SNTG1: variants seen among roughly 807,000 people sequenced by gnomAD.
SNTG1 encodes syntrophin gamma 1.
SNTG1 carries 39 observed loss-of-function variants against 74.7 expected under a neutral mutation model. The ratio of observed to expected loss-of-function variants is 0.52; its 90% CI spans 0.40 to 0.68. The LOEUF is 0.68. SNTG1 is among the 30% of genes least tolerant of loss of function. SNTG1 has a pLI of 0.00. For synonymous variants in SNTG1, 254 were observed against 217.1 expected, an observed-to-expected ratio of 1.17 and a Z score of -1.49; for missense variants, 685 against 609.5, an observed-to-expected ratio of 1.12 and a Z score of -1.30.
intron 17 of SNTG1, among the ~76,000 whole-genome samples, chr8:50,743,650 A>G (rs1585690443): frequency 7.2e-6 from 1 of 138,258 alleles, no homozygotes; most frequent in African/African-American, 2.6e-5. Context: ...ATTAGGCAAG[A>G]AAAAAAAAAA....
chr8:50,260,436 C>A (rs996912440), intron 2 of SNTG1, among the ~76,000 whole-genome samples: 5 of 152,088 alleles, frequency 3.3e-5, no homozygotes, highest in Admixed American at 3.3e-4. Context: ...CTTCTCCACA[C>A]ACAACTTACA....
intron 9 of SNTG1, among the ~76,000 whole-genome samples, chr8:50,512,190 G>A (rs1238778518): frequency 6.6e-6 from 1 of 151,912 alleles, no homozygotes; most frequent in South Asian, 2.1e-4. Flanking sequence ...AGTTTGGCTG[G>A]ATATGAAATT....
intron 2 of SNTG1, among the ~76,000 whole-genome samples, chr8:50,311,696 A>G (rs1258809841): frequency 6.6e-6 from 1 of 152,212 alleles, no homozygotes; most frequent in Non-Finnish European, 1.5e-5. Flanking sequence ...TATATTTCTT[A>G]TGAACTCAAC....
intron 12 of SNTG1, among the ~76,000 whole-genome samples, chr8:50,573,389 C>T (rs1184372299): frequency 1.3e-5 from 2 of 151,832 alleles, no homozygotes; most frequent in Non-Finnish European, 2.9e-5. Context: ...TTATTAAAAT[C>T]AGTTGTAAAA....
intron 1 of SNTG1, among the ~76,000 whole-genome samples, chr8:49,977,885 C>T (rs751548869): frequency 5.9e-5 from 9 of 152,158 alleles, no homozygotes; most frequent in Admixed American, 1.3e-4. Flanking sequence ...ACTGCTTGGG[C>T]GTTAGACGGT....
At chr8:50,408,400 A>G (rs955194306) in intron 4 of SNTG1, among the ~76,000 whole-genome samples, 3 of 152,232 alleles carry the variant, frequency 2.0e-5, no homozygotes, top group African/African-American at 7.2e-5. Context: ...CTAGGGAGTC[A>G]GTTATGCCAG....
intron 17 of SNTG1, among the ~76,000 whole-genome samples, chr8:50,716,050 A>G (rs2095474142): frequency 6.6e-6 from 1 of 152,118 alleles, no homozygotes; most frequent in African/African-American, 2.4e-5. Context: ...GCTCTGAGCT[A>G]CTGTTTCTCC....
chr8:49,969,147 ATCT>A lies in SNTG1; in HGVS notation c.-103+56920_-103+56922del, dbSNP rs1352929244. 3.9e-5 allele frequency among the ~76,000 whole-genome samples: 6 copies of A among 152,150 alleles called. No homozygotes were observed. The East Asian group carries it at 1.2e-3, about 29-fold the overall frequency. The stretch of plus-strand genomic sequence containing the variant: ...TTGTATGTGTGCTGCTTAACTCAAA[ATCT>A]TCTGCATTGATTATTTTTCTTTTTA... On this transcript the variant is annotated intron_variant, in intron 1 of 18. Coordinates refer to ENST00000642720, the MANE Select transcript of SNTG1 (RefSeq NM_018967.5).
At chr8:50,129,580 G>A (rs2081254621) in intron 1 of SNTG1, among the ~76,000 whole-genome samples, 1 of 151,958 alleles carries the variant, frequency 6.6e-6, no homozygotes, top group Non-Finnish European at 1.5e-5. Flanking sequence ...AGGATCTGTG[G>A]GTTTGGATTC....
chr8:49,959,432 C>T (rs981943881), intron 1 of SNTG1, among the ~76,000 whole-genome samples: 4 of 152,202 alleles, frequency 2.6e-5, no homozygotes, highest in African/African-American at 7.2e-5. Context: ...GTTGTTAGCA[C>T]GCTAGCAGTC....
chr8:50,790,208 C>G (rs1302770950), intron 18 of SNTG1, among the ~76,000 whole-genome samples: 1 of 151,962 alleles, frequency 6.6e-6, no homozygotes, highest in African/African-American at 2.4e-5. Flanking sequence ...ATTTTGCCTC[C>G]TGTCACTGGA....
chr8:50,273,827 A>G (rs2087923965), intron 2 of SNTG1, among the ~76,000 whole-genome samples: 1 of 152,184 alleles, frequency 6.6e-6, no homozygotes, highest in African/African-American at 2.4e-5. Flanking sequence ...AAGAGGGAGA[A>G]GAGTGATGAG....
chr8:50,661,984 A>T (rs1585997920), intron 15 of SNTG1, among the ~76,000 whole-genome samples: 1 of 152,074 alleles, frequency 6.6e-6, no homozygotes. Flanking sequence ...TGGCTTCTAG[A>T]TTCGATGCTA....
intron 8 of SNTG1, among the ~76,000 whole-genome samples, chr8:50,462,096 G>C (rs2093568562): frequency 6.6e-6 from 1 of 151,940 alleles, no homozygotes; most frequent in African/African-American, 2.4e-5. Context: ...CATCACTAAA[G>C]AACTTACCCA....
chr8:50,306,644 A>G (rs1375282970), intron 2 of SNTG1, among the ~76,000 whole-genome samples: 1 of 151,758 alleles, frequency 6.6e-6, no homozygotes, highest in East Asian at 1.9e-4. Context: ...TTCCCTGATG[A>G]TTAGTGATGT....
rs114036479 is a variant in SNTG1 at position 50,721,893 on chromosome 8, G to T, written c.1284+12915G>T. Among the ~76,000 whole-genome samples the T allele has an allele frequency of 2.3e-3, 353 of 152,164 alleles. 2 individuals carry two copies. The highest frequency in any genetic ancestry group is 8.1e-3 in the African/African-American group (337 of 41,526). ...AAGATGTTGCTTCACTGAAAGAACA[G>T]CAGACTCTCAGAATGCATCACACAC... On this transcript the variant is annotated intron_variant, in intron 17 of 18. Transcript: ENST00000642720.
rs62503973 is a variant in SNTG1 at position 49,911,906 on chromosome 8, C to T, written c.-428C>T. On this transcript the variant is annotated 5_prime_UTR_variant, in exon 1 of 19. Coordinates refer to ENST00000642720, the MANE Select transcript of SNTG1 (RefSeq NM_018967.5). Reference sequence around the variant, plus strand: ...GATGAAAAGTACCCCTCCCTCTACACCTGCTGTACCTAAGGACAGGACTCT... The same window carrying T: ...GATGAAAAGTACCCCTCCCTCTACATCTGCTGTACCTAAGGACAGGACTCT... 14,659 of 152,316 alleles carry T rather than the reference C, an allele frequency of 0.096. 945 individuals are homozygous for T. The highest frequency in any genetic ancestry group is 0.12 in the Non-Finnish European group (8,449 of 68,060). The allele number at this position is 152,316 out of a possible 1,614,324, so 9.4% of individuals were successfully genotyped here.
At chr8:50,092,005 A>G (rs1358957753) in intron 1 of SNTG1, among the ~76,000 whole-genome samples, 3 of 152,124 alleles carry the variant, frequency 2.0e-5, no homozygotes, top group Non-Finnish European at 4.4e-5. Context: ...CAAAAACTCA[A>G]ACCAATAAAA....
chr8:50,331,573 C>T (rs2090968187), intron 2 of SNTG1, among the ~76,000 whole-genome samples: 1 of 152,134 alleles, frequency 6.6e-6, no homozygotes, highest in African/African-American at 2.4e-5. Flanking sequence ...TACCGAGAAG[C>T]CATTGGCAAT....
Sources: allele counts gnomAD v4.1 joint callset (sites outside exome capture counted in the v4.1 genomes callset), GRCh38; gene constraint gnomAD v4.1.1; transcripts MANE v1.5; gene names NCBI Gene and HGNC (gene_info 2026-07-23, HGNC 2026-07-21).